The following MCOLN2 variants were observed in gnomAD, a reference collection of about 807,000 sequenced individuals.
The protein encoded by MCOLN2 is mucolipin-2.
MCOLN2 carries 57 observed loss-of-function variants against 67.5 expected under a neutral mutation model. The observed-to-expected ratio is 0.84, with a 90% CI of 0.68 to 1.05. MCOLN2 has a LOEUF of 1.05. MCOLN2 is among the 50% of genes least tolerant of loss of function. MCOLN2 has a pLI of 0.00. For missense variants in MCOLN2, 620 were observed against 678.8 expected, an observed-to-expected ratio of 0.91 and a Z score of 0.96; for synonymous variants, 246 against 233.3, an observed-to-expected ratio of 1.05 and a Z score of -0.50.
chr1:84,929,124 G>C (rs1661286499), intron 13 of MCOLN2, among the ~76,000 whole-genome samples: 1 of 152,204 alleles, frequency 6.6e-6, no homozygotes, highest in African/African-American at 2.4e-5. Context: ...GGATAAGCAA[G>C]CACTTGGACA....
intron 1 of MCOLN2, among the ~76,000 whole-genome samples, chr1:84,976,555 C>G (rs976653531): frequency 7.2e-5 from 11 of 152,246 alleles, no homozygotes; most frequent in African/African-American, 1.4e-4. Flanking sequence ...ATCACGATGT[C>G]AGGAGTTCGA....
At chr1:84,941,774 C>T (rs1647799373) in intron 7 of MCOLN2, among the ~76,000 whole-genome samples, 1 of 152,296 alleles carries the variant, frequency 6.6e-6, no homozygotes, top group East Asian at 1.9e-4. Context: ...TGCACTTTCC[C>T]AGGACATAGT....
chr1:84,961,589 G>A (rs1462412547), intron 2 of MCOLN2, among the ~76,000 whole-genome samples: 4 of 152,138 alleles, frequency 2.6e-5, no homozygotes, highest in Non-Finnish European at 5.9e-5. Flanking sequence ...AGGAAACTGC[G>A]AAGTCCCTTT....
chr1:84,981,023 C>T (rs1164088425), intron 1 of MCOLN2, among the ~76,000 whole-genome samples: 3 of 152,120 alleles, frequency 2.0e-5, no homozygotes, highest in African/African-American at 7.2e-5. Context: ...CAAAAGAAGA[C>T]ATACAAATCA....
intron 1 of MCOLN2, among the ~76,000 whole-genome samples, chr1:84,990,464 T>G (rs1466401759): frequency 6.6e-6 from 1 of 152,046 alleles, no homozygotes; most frequent in African/African-American, 2.4e-5. Context: ...AGAATCAAAC[T>G]TCTATGGATT....
intron 11 of MCOLN2, among the ~76,000 whole-genome samples, chr1:84,935,166 G>A (rs1355376378): frequency 1.3e-5 from 2 of 152,142 alleles, no homozygotes; most frequent in Non-Finnish European, 2.9e-5. Context: ...GGGAAAGGAT[G>A]CAAGGGGCAA....
chr1:84,945,088 A>C (rs759808768), intron 7 of MCOLN2, among the ~76,000 whole-genome samples: 43 of 152,188 alleles, frequency 2.8e-4, no homozygotes, highest in Admixed American at 2.6e-4. Context: ...GCTTTTACCC[A>C]GTGGTCTAGG....
At chr1:84,965,971 G>A (rs1221748697) in intron 1 of MCOLN2, among the ~76,000 whole-genome samples, 1 of 152,192 alleles carries the variant, frequency 6.6e-6, no homozygotes, top group Non-Finnish European at 1.5e-5. Context: ...GGCCAATCTC[G>A]GCCAGACGTG....
chr1:84,960,820 A>T (rs769397389), intron 2 of MCOLN2, among the ~76,000 whole-genome samples: 3 of 152,186 alleles, frequency 2.0e-5, no homozygotes, highest in Non-Finnish European at 4.4e-5. Context: ...ACCACACATG[A>T]ATGAAGTTCT....
chr1:84,935,777 C>T (rs1647392825), intron 11 of MCOLN2, among the ~76,000 whole-genome samples: 1 of 152,128 alleles, frequency 6.6e-6, no homozygotes, highest in Admixed American at 6.6e-5. Flanking sequence ...CCAGTTTCAC[C>T]TGGATCCTTT....
rs1189947325 is a variant in MCOLN2 at position 84,937,297 on chromosome 1, G to A, written c.1335+458C>T. Among the ~76,000 whole-genome samples the A allele has an allele frequency of 2.6e-5, 4 of 152,246 alleles. No individual in the cohort carries two copies. The East Asian group carries it at 7.7e-4, about 29-fold the overall frequency. ...TAATCAAAACCGTCTGCAGAGACAAGACGTGTCACCATTTCTATCGTAAAC... is the reference window on the plus strand; with the variant it reads ...TAATCAAAACCGTCTGCAGAGACAAAACGTGTCACCATTTCTATCGTAAAC... On this transcript the variant is annotated intron_variant, in intron 11 of 13. Coordinates refer to ENST00000370608, the MANE Select transcript of MCOLN2 (RefSeq NM_153259.4).
intron 1 of MCOLN2, among the ~76,000 whole-genome samples, chr1:84,980,828 G>C (rs952859249): frequency 3.3e-5 from 5 of 152,120 alleles, no homozygotes; most frequent in East Asian, 1.9e-4. Flanking sequence ...AAGTTTAAAA[G>C]CTTCTGCACA....
In MCOLN2 at chr1:84,934,973, C is replaced by G. The variant is rs1402394937; in HGVS notation, c.1335+2782G>C. On this transcript the variant is annotated intron_variant, in intron 11 of 13. Transcript: ENST00000370608. ...AGTCAAACGGTTTTCCTAATGTCTC[C>G]TTTTTAGTTGTTTTGTTTTAAAGAA... 2.0e-5 allele frequency among the ~76,000 whole-genome samples: 3 copies of G among 152,154 alleles called. No individual in the cohort carries two copies. In the East Asian group the frequency reaches 5.8e-4, roughly 29 times the overall value.
intron 6 of MCOLN2, among the ~76,000 whole-genome samples, chr1:84,947,592 C>A (rs10873667): frequency 0.16 from 24,490 of 152,174 alleles, 4,510 homozygotes; most frequent in African/African-American, 0.45. Flanking sequence ...GCCAGCAGTC[C>A]TTGCTACAGG....
intron 7 of MCOLN2, among the ~76,000 whole-genome samples, chr1:84,945,335 C>A (rs1648034450): frequency 6.6e-6 from 1 of 151,930 alleles, no homozygotes; most frequent in African/African-American, 2.4e-5. Context: ...AATTGGCAAC[C>A]TATACTTGGA....
chr1:84,951,048 T>C (rs1225144381), intron 6 of MCOLN2, among the ~76,000 whole-genome samples: 1 of 152,232 alleles, frequency 6.6e-6, no homozygotes, highest in Non-Finnish European at 1.5e-5. Context: ...GCCTTTCTCC[T>C]CATCCCTGCA....
intron 11 of MCOLN2, among the ~76,000 whole-genome samples, chr1:84,932,364 A>G (rs1300350715): frequency 6.6e-6 from 1 of 152,084 alleles, no homozygotes; most frequent in Non-Finnish European, 1.5e-5. Flanking sequence ...GGTGCCTGCC[A>G]CCAAGCCCGG....
At chr1:84,958,755 G>A in intron 2 of MCOLN2, 53 bp from the exon 3 acceptor site, 2 of 1,329,138 alleles carry the variant, frequency 1.5e-6, no homozygotes, top group Non-Finnish European at 2.0e-6. Flanking sequence ...TATCAGGGGA[G>A]GCAAATGTCT....
chr1:84,992,032 T>C (rs572230739), intron 1 of MCOLN2, among the ~76,000 whole-genome samples: 46 of 152,328 alleles, frequency 3.0e-4, no homozygotes, highest in Non-Finnish European at 4.7e-4. Context: ...GAAATAATCA[T>C]TTTTTCCTCA....
Sources: allele counts gnomAD v4.1 joint callset (sites outside exome capture counted in the v4.1 genomes callset), GRCh38; gene constraint gnomAD v4.1.1; transcripts MANE v1.5; gene names NCBI Gene and HGNC (gene_info 2026-07-23, HGNC 2026-07-21).